The following RBFOX1 variants were observed in gnomAD, a reference collection of about 807,000 sequenced individuals.
RBFOX1 encodes the protein RNA binding fox-1 homolog 1.
A neutral mutation model predicts 57.7 loss-of-function variants in RBFOX1; 8 were observed. The observed-to-expected ratio is 0.14, with a 90% confidence interval of 0.08 to 0.25. RBFOX1 has a LOEUF of 0.25. Ranked by LOEUF, RBFOX1 falls within the 10% of genes least tolerant of loss-of-function variation. The pLI is 1.00. For missense variants in RBFOX1, 611 were observed against 548.5 expected (o/e 1.11, Z -1.14); for synonymous variants, 326 against 222.4 (o/e 1.47, Z -4.15).
chr16:5,373,157 C>A (rs9929602), intron 1 of RBFOX1, among the ~76,000 whole-genome samples: 21,356 of 152,056 alleles, frequency 0.14, 1,863 homozygotes, highest in African/African-American at 0.24. Context: ...GAACCATGGC[C>A]CATTGAGACA....
At chr16:7,468,690 C>T (rs2060979419) in intron 4 of RBFOX1, among the ~76,000 whole-genome samples, 1 of 152,124 alleles carries the variant, frequency 6.6e-6, no homozygotes, top group Non-Finnish European at 1.5e-5. Flanking sequence ...TTAAAGTCTT[C>T]TGAAGATAGG....
At chr16:7,094,761 TGTGTGTGTGTGTGTGG>T (rs1318179196) in intron 4 of RBFOX1, among the ~76,000 whole-genome samples, 1 of 139,858 alleles carries the variant, frequency 7.2e-6, no homozygotes, top group Non-Finnish European at 1.6e-5. Context: ...TGTGTGTGTG[TGTGTGTGTGTGTGTGG>T]GTGTGTGTGT....
chr16:6,542,410 C>T (rs1024781700), intron 2 of RBFOX1, among the ~76,000 whole-genome samples: 3 of 150,146 alleles, frequency 2.0e-5, no homozygotes, highest in African/African-American at 4.9e-5. Context: ...TTCCTCTGAG[C>T]TCAACAACTG....
At chr16:6,868,656 G>A (rs1393261725) in intron 3 of RBFOX1, among the ~76,000 whole-genome samples, 1 of 152,086 alleles carries the variant, frequency 6.6e-6, no homozygotes, top group African/African-American at 2.4e-5. Flanking sequence ...ATTTTTCCTA[G>A]AGATAGGGTT....
rs1021856026 is a variant in RBFOX1, at chr16:7,181,016, C to G, written c.27+128918C>G. Among the ~76,000 whole-genome samples, 4 of 152,178 alleles carry G rather than the reference C, an allele frequency of 2.6e-5. No individual in the cohort carries two copies. The East Asian group carries it at 7.7e-4, about 29-fold the overall frequency. On this transcript the variant is annotated intron_variant, in intron 4 of 15. Coordinates refer to ENST00000550418, the MANE Select transcript of RBFOX1 (RefSeq NM_018723.4). ...GCAATGCAAAAGCAATGGAATGTTG[C>G]GGCATTGCAGTAAATGTTTTTAACC...
chr16:6,063,058 A>T (rs2095709202), intron 1 of RBFOX1, among the ~76,000 whole-genome samples: 2 of 152,202 alleles, frequency 1.3e-5, no homozygotes, highest in Admixed American at 1.3e-4. Flanking sequence ...GTGATGATAG[A>T]TGTCATTCAC....
rs182741560 is a variant in RBFOX1, at chr16:6,519,427, G to C, written c.-63-135176G>C. The stretch of plus-strand genomic sequence containing the variant: ...TTTCTGATGGAAACTGTGGCTGGGC[G>C]CAGTGGCTCATGGCTGTAATCCCAG... On this transcript the variant is annotated intron_variant, in intron 2 of 15. Coordinates refer to ENST00000550418, the MANE Select transcript of RBFOX1 (RefSeq NM_018723.4). Among the ~76,000 whole-genome samples, 3 of 152,266 alleles carry C rather than the reference G, an allele frequency of 2.0e-5. No individual in the cohort carries two copies. In the East Asian group the frequency reaches 5.8e-4, roughly 29 times the overall value.
chr16:6,778,265 T>A (rs1041089209), intron 3 of RBFOX1, among the ~76,000 whole-genome samples: 1 of 152,134 alleles, frequency 6.6e-6, no homozygotes, highest in Non-Finnish European at 1.5e-5. Context: ...TTCAGTGTTT[T>A]TTATTGTACA....
At chr16:7,282,299 C>T (rs1164202833) in intron 4 of RBFOX1, among the ~76,000 whole-genome samples, 1 of 152,174 alleles carries the variant, frequency 6.6e-6, no homozygotes, top group Non-Finnish European at 1.5e-5. Context: ...TCATTTATTC[C>T]TGGATGCCAC....
chr16:6,855,652 CAAAAAAAA>C (rs71147612), intron 3 of RBFOX1, among the ~76,000 whole-genome samples: 6 of 129,054 alleles, frequency 4.6e-5, no homozygotes, highest in South Asian at 5.3e-4. Flanking sequence ...GACTCCATCT[CAAAAAAAA>C]AAAAAAAAGA....
At chr16:6,450,374 C>A (rs887363062) in intron 2 of RBFOX1, among the ~76,000 whole-genome samples, 6 of 151,982 alleles carry the variant, frequency 3.9e-5, no homozygotes, top group African/African-American at 1.5e-4. Context: ...GATAAAACCT[C>A]CGTTTGCTCC....
intron 2 of RBFOX1, among the ~76,000 whole-genome samples, chr16:6,509,983 T>TA (rs551277217): frequency 4.5e-4 from 69 of 152,272 alleles, no homozygotes; most frequent in Middle Eastern, 6.8e-3. Context: ...TGGCCAACCT[T>TA]AGACAATTGG....
intron 2 of RBFOX1, among the ~76,000 whole-genome samples, chr16:5,558,262 G>T (rs1161029407): frequency 6.6e-6 from 1 of 152,172 alleles, no homozygotes; most frequent in Non-Finnish European, 1.5e-5. Context: ...GCTGTCTGCA[G>T]CATGCAGAGC....
At chr16:7,277,746 C>G (rs2095468603) in intron 4 of RBFOX1, among the ~76,000 whole-genome samples, 1 of 152,032 alleles carries the variant, frequency 6.6e-6, no homozygotes, top group Non-Finnish European at 1.5e-5. Context: ...GATATTTATT[C>G]AGCATAGCAT....
At chr16:6,387,381 A>G (rs1028389150) in intron 2 of RBFOX1, among the ~76,000 whole-genome samples, 1 of 151,740 alleles carries the variant, frequency 6.6e-6, no homozygotes, top group South Asian at 2.1e-4. Context: ...GTCCCATGCA[A>G]CTTGACTTCT....
chr16:6,164,161 A>G (rs914674796), intron 1 of RBFOX1, among the ~76,000 whole-genome samples: 1 of 152,192 alleles, frequency 6.6e-6, no homozygotes, highest in Non-Finnish European at 1.5e-5. Context: ...ATCATCATCC[A>G]AAGACTACAC....
intron 4 of RBFOX1, among the ~76,000 whole-genome samples, chr16:7,284,847 T>C (rs1007109237): frequency 6.6e-6 from 1 of 152,164 alleles, no homozygotes; most frequent in Non-Finnish European, 1.5e-5. Flanking sequence ...CCCTCATCTT[T>C]TGGCCACTGC....
intron 3 of RBFOX1, among the ~76,000 whole-genome samples, chr16:6,977,874 G>C (rs2087496109): frequency 6.6e-6 from 1 of 150,838 alleles, no homozygotes; most frequent in African/African-American, 2.5e-5. Flanking sequence ...AGAGAAACAC[G>C]TGAGCTGAGG....
At chr16:6,499,530 G>T (rs1050932496) in intron 2 of RBFOX1, among the ~76,000 whole-genome samples, 4 of 152,122 alleles carry the variant, frequency 2.6e-5, no homozygotes, top group Non-Finnish European at 5.9e-5. Flanking sequence ...ATTGGATTGG[G>T]TGTATTTTTC....
Sources: allele counts gnomAD v4.1 joint callset (sites outside exome capture counted in the v4.1 genomes callset), GRCh38; gene constraint gnomAD v4.1.1; transcripts MANE v1.5; gene names NCBI Gene and HGNC (gene_info 2026-07-23, HGNC 2026-07-21).